Variants in SRP72 observed in about 807,000 individuals in gnomAD.
SRP72 encodes the protein signal recognition particle subunit SRP72.
SRP72 carries 49 observed loss-of-function variants against 96.3 expected under a neutral mutation model. The observed-to-expected ratio is 0.51, with a 90% CI of 0.40 to 0.65. The LOEUF is 0.65. Ranked by LOEUF, SRP72 falls within the 30% of genes least tolerant of loss-of-function variation. The probability of loss-of-function intolerance (pLI) is 0.00; values close to 1 mark genes in which losing one functional copy is unlikely to be tolerated. For synonymous variants in SRP72, 267 were observed against 275.2 expected (o/e 0.97, Z 0.30); for missense variants, 736 against 793.3 (o/e 0.93, Z 0.87).
At chr4:56,489,848 A>G (rs370752707) in intron 13 of SRP72, among the ~76,000 whole-genome samples, 3 of 152,182 alleles carry the variant, frequency 2.0e-5, no homozygotes, top group African/African-American at 7.2e-5. Flanking sequence ...AATACATGGA[A>G]TAGTTGTTTA....
intron 8 of SRP72, among the ~76,000 whole-genome samples, chr4:56,480,737 CAT>C (rs1288436021): frequency 6.6e-6 from 1 of 152,156 alleles, no homozygotes; most frequent in African/African-American, 2.4e-5. Context: ...AGCATCATCA[CAT>C]AGTTTAAAAT....
At chr4:56,487,835 T>G in intron 11 of SRP72, 114 bp from the exon 12 acceptor site, 148 of 721,872 alleles carry the variant, frequency 2.1e-4, no homozygotes, top group East Asian at 4.1e-4. Context: ...TTACAAAACA[T>G]GAGTTATGGT....
intron 10 of SRP72, among the ~76,000 whole-genome samples, chr4:56,485,444 A>G (rs142871571): frequency 4.8e-4 from 73 of 151,526 alleles, no homozygotes; most frequent in African/African-American, 1.6e-3. Context: ...TCTTTATTAT[A>G]GTTGACCCTT....
intron 17 of SRP72, among the ~76,000 whole-genome samples, chr4:56,499,889 C>A (rs186933802): frequency 4.6e-5 from 7 of 152,280 alleles, no homozygotes; most frequent in Admixed American, 4.6e-4. Flanking sequence ...GATTATAAAT[C>A]ATTCTGCTAT....
chr4:56,497,338 G>T (rs548022621), intron 17 of SRP72, among the ~76,000 whole-genome samples: 24 of 151,292 alleles, frequency 1.6e-4, no homozygotes, highest in African/African-American at 5.3e-4. Context: ...TCCTGCCTCA[G>T]CCTCCCAAGT....
intron 3 of SRP72, among the ~76,000 whole-genome samples, chr4:56,473,723 C>T (rs779242224): frequency 1.3e-5 from 2 of 151,876 alleles, no homozygotes; most frequent in Non-Finnish European, 2.9e-5. Flanking sequence ...CAAGATCGCG[C>T]CATTGCTCTC....
chr4:56,468,763 ATTTG>A (rs1719852302), intron 1 of SRP72, among the ~76,000 whole-genome samples: 1 of 152,130 alleles, frequency 6.6e-6, no homozygotes, highest in African/African-American at 2.4e-5. Flanking sequence ...TGATCCCTAA[ATTTG>A]TTTGAATTAA....
At chr4:56,474,219 C>G in intron 4 of SRP72, 22 bp downstream of exon 4, 1 of 1,613,754 alleles carries the variant, frequency 6.2e-7, no homozygotes, top group Non-Finnish European at 8.5e-7. Flanking sequence ...TGTGGTGTAC[C>G]CATACAGTCA....
At chr4:56,471,486 T>C (rs1391449762) in intron 2 of SRP72, among the ~76,000 whole-genome samples, 3 of 152,226 alleles carry the variant, frequency 2.0e-5, no homozygotes, top group African/African-American at 7.2e-5. Context: ...AAAAGGCCAA[T>C]AATTTTAATA....
rs1410388998 is a variant in SRP72 at position 56,490,424 on chromosome 4, A to G, written c.1412A>G (p.Gln471Arg). ...GRKKEAISDL[Q>R]QLWKQNPKDI... Reference sequence around the variant, plus strand: ...AAGAAGGAGGCAATTAGTGACCTACAACAGCTGTGGAAGTAAGCTCTGAAA... The same window carrying G: ...AAGAAGGAGGCAATTAGTGACCTACGACAGCTGTGGAAGTAAGCTCTGAAA... The change falls in exon 14 of 19, where the codon CAA becomes CGA. Residue 471 changes from glutamine to arginine, a missense_variant. Physicochemically the swap from Gln to Arg is conservative, Grantham distance 43. Coordinates refer to ENST00000642900, the MANE Select transcript of SRP72 (RefSeq NM_006947.4). 2 of 1,613,838 alleles carry G rather than the reference A, an allele frequency of 1.2e-6. No homozygotes were observed. Among genetic ancestry groups the G allele is most frequent in the East Asian group, 2.2e-5 (1 of 44,868 alleles).
In SRP72 at chr4:56,469,658, C is replaced by G. The variant is rs1457272311; in HGVS notation, c.115C>G (p.Gln39Glu). The change falls in exon 2 of 19, where the codon CAG becomes GAG. Residue 39 changes from glutamine (Q) to glutamate (E), a missense_variant. Gln to Glu is a conservative substitution (Grantham distance 29). This residue lies in a region of SRP72 where 329 missense variants were observed against 319.0 expected (regional missense o/e 1.03). Coordinates refer to ENST00000642900, the MANE Select transcript of SRP72 (RefSeq NM_006947.4). ...RALKTVNKIL[Q>E]INKDDVTALH... ...TTCCTAAAATTGTTCTCTAGTACTACAGATCAACAAAGATGACGTAACTGC... is the reference window on the plus strand; with the variant it reads ...TTCCTAAAATTGTTCTCTAGTACTAGAGATCAACAAAGATGACGTAACTGC... 14 of 1,600,856 alleles carry G rather than the reference C, an allele frequency of 8.7e-6. No homozygotes were observed. Among genetic ancestry groups the G allele is most frequent in the Non-Finnish European group, 1.2e-5 (14 of 1,170,670 alleles).
chr4:56,486,527 T>C lies in SRP72; in HGVS notation c.1159+130T>C, dbSNP rs1030907088. 9.0e-6 allele frequency: 6 copies of C among 663,016 alleles called. No individual in the cohort carries two copies. The African/African-American group carries it at 9.2e-5, about 10-fold the overall frequency. The allele number at this position is 663,016 out of a possible 1,614,324, so 41.1% of individuals were successfully genotyped here. A position where few individuals can be genotyped will look rare whatever the true frequency, so the allele number is the denominator to read the frequency against. On this transcript the variant is annotated intron_variant, in intron 11 of 18. Transcript: ENST00000642900. ...AGCATAATAATTACTGTTTCAAACA[T>C]GCAGCTAGATTGTATGATCTCCAAC...
chr4:56,467,632 C>A lies in SRP72; in HGVS notation c.-4C>A. On this transcript the variant is annotated 5_prime_UTR_variant, in exon 1 of 19. Coordinates refer to ENST00000642900, the MANE Select transcript of SRP72 (RefSeq NM_006947.4). ...TCCCCGCCCCGCCCCTCGTCTCCTC[C>A]AAGATGGCGAGCGGCGGCAGCGGGG... The A allele has an allele frequency of 6.4e-7, 1 of 1,557,260 alleles. No homozygotes were observed. The highest frequency in any genetic ancestry group is 8.7e-7 in the Non-Finnish European group (1 of 1,153,042).
At position 56,467,657 on chromosome 4, in the gene SRP72, G is replaced by C. The variant is rs773611833; in HGVS notation, c.22G>C (p.Gly8Arg). The C allele has an allele frequency of 1.7e-5, 26 of 1,558,512 alleles. No individual in the cohort carries two copies. Among genetic ancestry groups the C allele is most frequent in the South Asian group, 2.3e-5 (2 of 85,142 alleles). MASGGSG[G>R]VSVPALWSEV... ...CAAGATGGCGAGCGGCGGCAGCGGG[G>C]GGGTGTCAGTACCTGCGCTGTGGAG... Residue 8 changes from glycine (G) to arginine (R), a missense_variant, in exon 1 of 19, where the codon GGG becomes CGG. Physicochemically the swap from Gly to Arg is moderately radical, Grantham distance 125 (BLOSUM62 -2). Coordinates refer to ENST00000642900, the MANE Select transcript of SRP72 (RefSeq NM_006947.4).
At chr4:56,492,580 TA>T (rs888108596) in intron 16 of SRP72, among the ~76,000 whole-genome samples, 27 of 152,154 alleles carry the variant, frequency 1.8e-4, no homozygotes, top group Non-Finnish European at 3.8e-4. Flanking sequence ...TTCCCTAACT[TA>T]AAAAAAACTC....
At chr4:56,478,557 T>C in intron 7 of SRP72, 35 bp from the exon 8 acceptor site, 1 of 1,612,674 alleles carries the variant, frequency 6.2e-7, no homozygotes, top group South Asian at 1.1e-5. Context: ...TTTTTAAAGG[T>C]TTGTTTGGTT....
At chr4:56,497,473 C>A (rs1428297001) in intron 17 of SRP72, among the ~76,000 whole-genome samples, 1 of 152,072 alleles carries the variant, frequency 6.6e-6, no homozygotes, top group African/African-American at 2.4e-5. Context: ...CCCACCTCGG[C>A]CTCCCAAAGT....
intron 17 of SRP72, among the ~76,000 whole-genome samples, chr4:56,500,211 C>CG (rs1471497255): frequency 2.6e-5 from 4 of 151,710 alleles, no homozygotes; most frequent in Non-Finnish European, 2.9e-5. Context: ...CCAGGCCTGT[C>CG]GGGGGGCGGT....
At chr4:56,476,572 G>T (rs1462025060) in intron 5 of SRP72, 99 bp from the exon 6 acceptor site, 4 of 1,259,574 alleles carry the variant, frequency 3.2e-6, no homozygotes, top group African/African-American at 3.0e-5. Context: ...GATTATCTTG[G>T]AATCTTCTGC....
Sources: gnomAD v4.1 joint callset for allele counts (sites outside exome capture counted in the v4.1 genomes callset) on GRCh38, gnomAD v4.1.1 for gene constraint, gnomAD v4.1.1 regional missense constraint, MANE v1.5 for transcripts, NCBI Gene and HGNC (gene_info 2026-07-23, HGNC 2026-07-21) for gene names.